The following KMT2C variants were observed in gnomAD, a reference collection of about 807,000 sequenced individuals.
KMT2C encodes the protein histone-lysine N-methyltransferase 2C.
KMT2C carries 88 observed loss-of-function variants against 507.9 expected under a neutral mutation model. That is an observed-to-expected ratio of 0.17 (90% CI 0.15 to 0.21). KMT2C has a LOEUF of 0.21. Among genes scored for constraint, KMT2C ranks in the 10% least tolerant of loss-of-function variants. The pLI is 1.00. For missense variants in KMT2C, 4,954 were observed against 5,957.8 expected (o/e 0.83, Z 5.55); for synonymous variants, 2,049 against 2,080.8 (o/e 0.98, Z 0.42).
At chr7:152,369,064 T>G (rs1480856804) in intron 1 of KMT2C, among the ~76,000 whole-genome samples, 1 of 151,526 alleles carries the variant, frequency 6.6e-6, no homozygotes. Flanking sequence ...GGCTCACACC[T>G]GTAATCCCAG....
chr7:152,303,381 C>T (rs561401168), intron 6 of KMT2C, among the ~76,000 whole-genome samples: 3 of 152,162 alleles, frequency 2.0e-5, no homozygotes, highest in African/African-American at 4.8e-5. Context: ...GAATGTTTAG[C>T]GGCAGTCCTG....
chr7:152,151,343 C>T (rs2091606352), intron 50 of KMT2C, 99 bp downstream of exon 50: 1 of 1,278,350 alleles, frequency 7.8e-7, no homozygotes, highest in African/African-American at 1.5e-5. Flanking sequence ...TCCATCACAC[C>T]ACCATAAGTG....
chr7:152,263,158 C>T lies in KMT2C; in HGVS notation c.1185-28G>A, dbSNP rs112568234. 2.4e-3 allele frequency: 3,745 copies of T among 1,560,166 alleles called. 96 individuals are homozygous for T. In the African/African-American group the frequency reaches 0.045, roughly 19 times the overall value. ...AAAAAATAAGATAGCATTAATGATG[C>T]CTTATCTTTAAACTTATGTTTTGTA... On this transcript the variant is annotated intron_variant, in intron 8 of 58. Coordinates refer to ENST00000262189, the MANE Select transcript of KMT2C (RefSeq NM_170606.3).
intron 26 of KMT2C, among the ~76,000 whole-genome samples, chr7:152,201,310 AC>A (rs2094133193): frequency 1.3e-5 from 2 of 151,592 alleles, no homozygotes; most frequent in South Asian, 4.2e-4. Context: ...ACACACACAC[AC>A]ACACACACAC....
At chr7:152,333,938 A>G (rs942568562) in intron 2 of KMT2C, among the ~76,000 whole-genome samples, 3 of 152,198 alleles carry the variant, frequency 2.0e-5, no homozygotes, top group Non-Finnish European at 4.4e-5. Context: ...CAAAATTGAT[A>G]AAGTATCTAG....
At position 152,144,583 on chromosome 7, in the gene KMT2C, T is replaced by A; in HGVS notation, c.14343+130A>T. The A allele has an allele frequency of 1.1e-6, 1 of 889,092 alleles. No individual in the cohort carries two copies. The highest frequency in any genetic ancestry group is 1.7e-5 in the South Asian group (1 of 60,524). The allele number at this position is 889,092 out of a possible 1,614,324, so 55.1% of individuals were successfully genotyped here. ...AGTGTTACCAAGGGACAGGATTTGA[T>A]ACGATTTTGAAAACACGTTTCTGTC... On this transcript the variant is annotated intron_variant, in intron 55 of 58. Coordinates refer to ENST00000262189, the MANE Select transcript of KMT2C (RefSeq NM_170606.3). This position sits in a 1 kb window ranked among gnomAD's most constrained non-coding sequence, Gnocchi z 4.4.
intron 37 of KMT2C, among the ~76,000 whole-genome samples, chr7:152,178,416 G>C (rs986317159): frequency 2.0e-5 from 3 of 152,168 alleles, no homozygotes; most frequent in African/African-American, 4.8e-5. Flanking sequence ...TTTGAATGAA[G>C]ATAGGTCTTC....
At chr7:152,142,188 A>G (rs1205967390) in intron 55 of KMT2C, among the ~76,000 whole-genome samples, 1 of 152,282 alleles carries the variant, frequency 6.6e-6, no homozygotes, top group African/African-American at 2.4e-5. Context: ...ACTAGATGCA[A>G]CAGAAAATTA....
intron 31 of KMT2C, among the ~76,000 whole-genome samples, chr7:152,190,225 A>G (rs1397641749): frequency 6.6e-6 from 1 of 152,224 alleles, no homozygotes; most frequent in Non-Finnish European, 1.5e-5. Context: ...TGCAATTTTA[A>G]TAAACAATAT....
intron 1 of KMT2C, among the ~76,000 whole-genome samples, chr7:152,414,474 G>A (rs2097714083): frequency 6.6e-6 from 1 of 152,098 alleles, no homozygotes; most frequent in Non-Finnish European, 1.5e-5. Flanking sequence ...GTTGCCATGA[G>A]CCGAGATTGT....
chr7:152,231,737 C>G (rs1170758797), intron 16 of KMT2C, among the ~76,000 whole-genome samples: 1 of 111,852 alleles, frequency 8.9e-6, no homozygotes, highest in Non-Finnish European at 2.0e-5. Context: ...GCCAAGATTA[C>G]GCCACTGCAC....
intron 9 of KMT2C, among the ~76,000 whole-genome samples, chr7:152,254,396 T>C (rs1443399965): frequency 6.6e-6 from 1 of 152,068 alleles, no homozygotes; most frequent in Non-Finnish European, 1.5e-5. Flanking sequence ...CAGGTGGAGT[T>C]TATACAAGAA....
intron 6 of KMT2C, among the ~76,000 whole-genome samples, chr7:152,286,419 G>T (rs2092957385): frequency 6.6e-6 from 1 of 152,296 alleles, no homozygotes; most frequent in Admixed American, 6.5e-5. Context: ...AGCAGCCAGA[G>T]AATATCAAAA....
In KMT2C at chr7:152,139,682, T is replaced by G. The variant is rs762769827; in HGVS notation, c.14453A>C (p.Glu4818Ala). 6.2e-7 allele frequency: 1 copy of G among 1,607,108 alleles called. No homozygotes were observed. The highest frequency in any genetic ancestry group is 8.5e-7 in the Non-Finnish European group (1 of 1,173,690). The part of the protein sequence containing the change: ...EVANRKEKLY[E>A]SQNRGVYMFR... ...CGGGGACCAGACACCTACCTGAGAC[T>G]CATAAAGCTTCTCTTTCCTGTTGGC... Residue 4818 changes from glutamate (E) to alanine (A), a missense_variant, in exon 56 of 59, where the codon GAG (glutamate) becomes GCG (alanine). By Grantham distance (107) the Glu-to-Ala change is moderately radical. Transcript: ENST00000262189.
At chr7:152,211,536 A>AC (rs1479522097) in intron 23 of KMT2C, among the ~76,000 whole-genome samples, 1 of 152,228 alleles carries the variant, frequency 6.6e-6, no homozygotes, top group Non-Finnish European at 1.5e-5. Flanking sequence ...TACAAAGGCC[A>AC]CCTTTCACCT....
chr7:152,207,368 T>C lies in KMT2C; in HGVS notation c.3773A>G (p.Asp1258Gly). 1 of 1,611,884 alleles carries C rather than the reference T, an allele frequency of 6.2e-7. No homozygotes were observed. Among genetic ancestry groups the C allele is most frequent in the Non-Finnish European group, 8.5e-7 (1 of 1,178,928 alleles). ...SESSPEREAV[D>G]DETKGVEGTD... ...TCCTTCCACTCCCTTAGTTTCATCA[T>C]CCACAGCTTCCCGCTCAGGACTAGA... Residue 1258 changes from aspartate (D) to glycine (G), a missense_variant, in exon 24 of 59, where the codon GAT (aspartate) becomes GGT (glycine). Asp to Gly is a moderately conservative substitution (Grantham distance 94). This residue lies in a region of KMT2C where 176 missense variants were observed against 262.0 expected (regional missense o/e 0.67). Transcript: ENST00000262189.
Position 152,207,414 on chromosome 7 carries a change from C to A in KMT2C, c.3727G>T (p.Asp1243Tyr), listed in dbSNP as rs748555345. The change falls in exon 24 of 59, where the codon GAT becomes TAT. Residue 1243 changes from aspartate (D) to tyrosine (Y), a missense_variant. Physicochemically the swap from Asp to Tyr is radical, Grantham distance 160 (BLOSUM62 -3). Transcript: ENST00000262189. ...MDDSREGELM[D>Y]CDGKSESSPE... ...CTAGATTCTGATTTTCCATCACAATCCATAAGTTCTCCTTCTGGAAAAAAG... is the reference window on the plus strand; with the variant it reads ...CTAGATTCTGATTTTCCATCACAATACATAAGTTCTCCTTCTGGAAAAAAG... 8.2e-6 allele frequency: 13 copies of A among 1,592,998 alleles called. No homozygotes were observed. Among genetic ancestry groups the A allele is most frequent in the Non-Finnish European group, 1.7e-6 (2 of 1,173,382 alleles).
rs375000996 is a variant in KMT2C, at chr7:152,336,087, G to A, written c.251-5348C>T. Among the ~76,000 whole-genome samples the A allele has an allele frequency of 2.1e-4, 32 of 152,150 alleles. No individual in the cohort carries two copies. In the East Asian group the frequency reaches 3.5e-3, roughly 17 times the overall value. On this transcript the variant is annotated intron_variant, in intron 2 of 58. Coordinates refer to ENST00000262189, the MANE Select transcript of KMT2C (RefSeq NM_170606.3). The stretch of plus-strand genomic sequence containing the variant: ...ATCTGCTAAAGAAACAGTAGGGAGC[G>A]ATAGTTTTGGTTTTACTTTTGGTTT...
At chr7:152,308,327 C>G (rs908509897) in intron 6 of KMT2C, among the ~76,000 whole-genome samples, 1 of 152,076 alleles carries the variant, frequency 6.6e-6, no homozygotes, top group African/African-American at 2.4e-5. Context: ...GTCAAAATTT[C>G]CAGTTTTAAT....
Sources: gnomAD v4.1 joint callset for allele counts (sites outside exome capture counted in the v4.1 genomes callset) on GRCh38, gnomAD v4.1.1 for gene constraint, gnomAD v4.1.1 regional missense constraint, Gnocchi (gnomAD v3.1) non-coding constraint, MANE v1.5 for transcripts, NCBI Gene and HGNC (gene_info 2026-07-23, HGNC 2026-07-21) for gene names.